FGF14: variants seen among roughly 807,000 people sequenced by gnomAD.
FGF14 encodes the protein fibroblast growth factor 14.
A neutral mutation model predicts 25.5 loss-of-function variants in FGF14; 5 were observed. The observed-to-expected ratio is 0.20, with a 90% confidence interval of 0.10 to 0.41. FGF14 has a LOEUF of 0.41. Among genes scored for constraint, FGF14 ranks in the 10% least tolerant of loss-of-function variants. The pLI, the probability that FGF14 is intolerant of heterozygous loss-of-function variation, is 1.00. For synonymous variants in FGF14, 138 were observed against 118.3 expected, an observed-to-expected ratio of 1.17 and a Z score of -1.08; for missense variants, 222 against 320.1, an observed-to-expected ratio of 0.69 and a Z score of 2.34.
chr13:102,175,726 A>G (rs547672530), intron 1 of FGF14, among the ~76,000 whole-genome samples: 1 of 152,240 alleles, frequency 6.6e-6, no homozygotes, highest in Admixed American at 6.5e-5. Flanking sequence ...AAGAGAAAAA[A>G]GCCCAAATAA....
At chr13:102,141,717 C>CT (rs2046650121) in intron 1 of FGF14, among the ~76,000 whole-genome samples, 1 of 152,068 alleles carries the variant, frequency 6.6e-6, no homozygotes, top group African/African-American at 2.4e-5. Context: ...TATGAGTTAA[C>CT]ACTATTTAGT....
chr13:102,154,279 A>C (rs1347460444), intron 1 of FGF14, among the ~76,000 whole-genome samples: 3 of 152,158 alleles, frequency 2.0e-5, no homozygotes, highest in African/African-American at 7.2e-5. Context: ...AAGTTGGGTT[A>C]CCCACAAAGG....
chr13:101,798,337 A>G (rs1489417125), intron 3 of FGF14, among the ~76,000 whole-genome samples: 1 of 152,122 alleles, frequency 6.6e-6, no homozygotes, highest in Non-Finnish European at 1.5e-5. Flanking sequence ...TTGTTTTCTA[A>G]TTAATGATGT....
intron 1 of FGF14, among the ~76,000 whole-genome samples, chr13:102,039,878 A>C (rs2041649067): frequency 6.6e-6 from 1 of 152,092 alleles, no homozygotes; most frequent in African/African-American, 2.4e-5. Context: ...TGTAAACTCT[A>C]GAGTTTTCTT....
At chr13:102,153,523 A>T (rs2047182931) in intron 1 of FGF14, among the ~76,000 whole-genome samples, 1 of 152,184 alleles carries the variant, frequency 6.6e-6, no homozygotes, top group Non-Finnish European at 1.5e-5. Context: ...TTACAGTTTT[A>T]TATGGATCAA....
chr13:101,899,098 A>G (rs1566399647), intron 1 of FGF14, among the ~76,000 whole-genome samples: 2 of 152,174 alleles, frequency 1.3e-5, no homozygotes, highest in African/African-American at 4.8e-5. Flanking sequence ...TTAGCCAAAA[A>G]TCAAACTAGA....
intron 1 of FGF14, among the ~76,000 whole-genome samples, chr13:102,111,573 G>A (rs193051354): frequency 1.5e-4 from 23 of 152,102 alleles, no homozygotes; most frequent in East Asian, 1.4e-3. Flanking sequence ...AAAATTAGCC[G>A]GGTGTAGTGG....
rs10219987 is a variant in FGF14, at chr13:101,930,640, G to C, written c.209-55344C>G. 7.9e-5 allele frequency among the ~76,000 whole-genome samples: 12 copies of C among 152,056 alleles called. No individual in the cohort carries two copies. The South Asian group carries it at 8.3e-4, about 10-fold the overall frequency. On this transcript the variant is annotated intron_variant, in intron 1 of 4. Transcript: ENST00000376131. ...GTTTAATTTCATTTTCTTCACAGACGAAAAGTATTTTACACTGTAACAATC... is the reference window on the plus strand; with the variant it reads ...GTTTAATTTCATTTTCTTCACAGACCAAAAGTATTTTACACTGTAACAATC...
At chr13:102,142,853 T>TC (rs1203647454) in intron 1 of FGF14, among the ~76,000 whole-genome samples, 1 of 152,220 alleles carries the variant, frequency 6.6e-6, no homozygotes, top group African/African-American at 2.4e-5. Flanking sequence ...AGTTAATAGA[T>TC]GTTCATTCAA....
intron 1 of FGF14, among the ~76,000 whole-genome samples, chr13:102,355,846 T>C (rs1172803393): frequency 1.3e-5 from 2 of 152,148 alleles, no homozygotes; most frequent in Admixed American, 6.5e-5. Flanking sequence ...AAAGTACTCA[T>C]ATAAATTCAA....
At chr13:101,768,267 T>C (rs1207931354) in intron 3 of FGF14, among the ~76,000 whole-genome samples, 1 of 152,004 alleles carries the variant, frequency 6.6e-6, no homozygotes, top group Non-Finnish European at 1.5e-5. Context: ...TAACAAAACA[T>C]GTTCAAGGTC....
At chr13:101,994,968 C>T (rs957067318) in intron 1 of FGF14, among the ~76,000 whole-genome samples, 1 of 152,056 alleles carries the variant, frequency 6.6e-6, no homozygotes, top group Admixed American at 6.6e-5. Flanking sequence ...TTATGCAATA[C>T]ATTATTTGGC....
intron 1 of FGF14, among the ~76,000 whole-genome samples, chr13:102,154,283 A>C (rs1000823613): frequency 6.6e-6 from 1 of 152,032 alleles, no homozygotes; most frequent in Non-Finnish European, 1.5e-5. Flanking sequence ...TGGGTTACCC[A>C]CAAAGGGAAG....
intron 1 of FGF14, among the ~76,000 whole-genome samples, chr13:101,914,664 G>A (rs900480388): frequency 3.3e-5 from 5 of 151,994 alleles, no homozygotes; most frequent in African/African-American, 7.3e-5. Context: ...ATCCTCCTTC[G>A]CCACCCAATA....
intron 1 of FGF14, among the ~76,000 whole-genome samples, chr13:101,970,902 A>G (rs1570463): frequency 0.029 from 4,346 of 152,230 alleles, 212 homozygotes; most frequent in African/African-American, 0.1. Flanking sequence ...GGAGCCTTGA[A>G]GCCCCTATTT....
At chr13:102,101,494 A>G (rs1010576782) in intron 1 of FGF14, among the ~76,000 whole-genome samples, 11 of 152,222 alleles carry the variant, frequency 7.2e-5, no homozygotes, top group Admixed American at 1.3e-4. Flanking sequence ...TTTATCATTT[A>G]TGTCCTTTTT....
chr13:101,841,148 T>TA (rs530781562), intron 3 of FGF14, among the ~76,000 whole-genome samples: 26 of 151,936 alleles, frequency 1.7e-4, no homozygotes, highest in African/African-American at 4.3e-4. Context: ...TCCTTTGATT[T>TA]AAAAAAAACT....
intron 3 of FGF14, among the ~76,000 whole-genome samples, chr13:101,743,096 T>G (rs780346421): frequency 1.1e-4 from 17 of 152,212 alleles, no homozygotes; most frequent in Non-Finnish European, 2.5e-4. Context: ...CATACATACA[T>G]TGATTGATGT....
chr13:101,848,413 A>G (rs1467838926), intron 3 of FGF14, among the ~76,000 whole-genome samples: 2 of 152,066 alleles, frequency 1.3e-5, no homozygotes, highest in Non-Finnish European at 2.9e-5. Context: ...TAAAATGTCA[A>G]GCTCCAAAAA....
Sources: gnomAD v4.1 joint callset for allele counts (sites outside exome capture counted in the v4.1 genomes callset) on GRCh38, gnomAD v4.1.1 for gene constraint, MANE v1.5 for transcripts, NCBI Gene and HGNC (gene_info 2026-07-23, HGNC 2026-07-21) for gene names.